ARAP2: variants seen among roughly 807,000 people sequenced by gnomAD.
ARAP2 encodes the protein ArfGAP with RhoGAP domain, ankyrin repeat and PH domain 2, also known as arf-GAP with Rho-GAP domain, ANK repeat and PH domain-containing protein 2.
Under a neutral mutation model 194.5 loss-of-function variants are expected in ARAP2, and 148 were observed. The ratio of observed to expected loss-of-function variants is 0.76; its 90% confidence interval spans 0.67 to 0.87. The LOEUF is 0.87. ARAP2 is among the 40% of genes least tolerant of loss of function. The pLI is 0.00. For synonymous variants in ARAP2, 695 were observed against 683.5 expected (o/e 1.02, Z -0.26); for missense variants, 2,128 against 1,989.7 (o/e 1.07, Z -1.32).
Position 36,204,005 on chromosome 4 carries a change from T to C in ARAP2, c.1487+6385A>G, listed in dbSNP as rs145382670. Among the ~76,000 whole-genome samples, 46 of 152,212 alleles carry C rather than the reference T, an allele frequency of 3.0e-4. 1 individual carries two copies. The highest frequency in any genetic ancestry group is 9.8e-4 in the Admixed American group (15 of 15,294). On this transcript the variant is annotated intron_variant, in intron 6 of 32. Coordinates refer to ENST00000303965, the MANE Select transcript of ARAP2 (RefSeq NM_015230.4). ...TAAAAAGAACAGTCAAAAGAACATG[T>C]TTTGTATGTTAATTACAGTATAACA... is the stretch of plus-strand genomic sequence containing the variant.
At chr4:36,114,842 T>C (rs180820496) in intron 25 of ARAP2, among the ~76,000 whole-genome samples, 208 of 152,070 alleles carry the variant, frequency 1.4e-3, no homozygotes, top group Middle Eastern at 6.8e-3. Context: ...AATGCCAACC[T>C]GGGGGTCGGT....
chr4:36,158,715 G>T lies in ARAP2; in HGVS notation c.2752+15C>A, dbSNP rs750034513. ...GTTTTTATCTGATAATATCTAAAAAGAAGAGAAAAAATACCTTCAAGCAGT... is the reference window on the plus strand; with the variant it reads ...GTTTTTATCTGATAATATCTAAAAATAAGAGAAAAAATACCTTCAAGCAGT... On this transcript the variant is annotated intron_variant, in intron 15 of 32. Transcript: ENST00000303965. The T allele has an allele frequency of 3.4e-5, 54 of 1,581,764 alleles. No homozygotes were observed. The highest frequency in any genetic ancestry group is 4.1e-5 in the Non-Finnish European group (48 of 1,164,188).
intron 7 of ARAP2, among the ~76,000 whole-genome samples, chr4:36,192,200 A>C (rs1300452275): frequency 1.4e-5 from 2 of 138,092 alleles, no homozygotes; most frequent in Non-Finnish European, 3.0e-5. Flanking sequence ...TTTTGCCAAA[A>C]TGTAACCAAC....
chr4:36,092,050 T>C, intron 27 of ARAP2, 30 bp from the exon 28 acceptor site: 1 of 1,468,260 alleles, frequency 6.8e-7, no homozygotes. Flanking sequence ...TTTTGTGAGT[T>C]GGGTACGTTT....
downstream of ARAP2, among the ~76,000 whole-genome samples, chr4:36,064,056 C>T (rs1050538141): frequency 6.6e-6 from 1 of 152,118 alleles, no homozygotes; most frequent in Non-Finnish European, 1.5e-5. Flanking sequence ...TTTGAGTTCT[C>T]AGTGACACTT....
rs574685180 is a variant in ARAP2, at chr4:36,081,776, C to T, written c.4544+475G>A. The stretch of plus-strand genomic sequence containing the variant: ...AGGGGCACAAGGAAGAGGCAGATCT[C>T]GTGTGGCTCAGTGACCGATTAGACA... On this transcript the variant is annotated intron_variant, in intron 30 of 32. Coordinates refer to ENST00000303965, the MANE Select transcript of ARAP2 (RefSeq NM_015230.4). 4.6e-5 allele frequency among the ~76,000 whole-genome samples: 7 copies of T among 151,710 alleles called. No individual in the cohort carries two copies. The South Asian group carries it at 1.0e-3, about 23-fold the overall frequency.
At chr4:36,209,084 G>A (rs139971513) in intron 6 of ARAP2, among the ~76,000 whole-genome samples, 177 of 152,196 alleles carry the variant, frequency 1.2e-3, no homozygotes, top group African/African-American at 4.1e-3. Flanking sequence ...CACCTGGGAC[G>A]CACAGGAAAC....
At chr4:36,056,378 C>A (rs886519690) in intron 2 of ARAP2, among the ~76,000 whole-genome samples, 30 of 152,242 alleles carry the variant, frequency 2.0e-4, no homozygotes, top group Admixed American at 1.8e-3. Context: ...TTATTTAACT[C>A]CCTGGTGAAA....
intron 32 of ARAP2, among the ~76,000 whole-genome samples, chr4:36,070,561 G>T (rs1234118060): frequency 3.3e-5 from 5 of 152,140 alleles, no homozygotes; most frequent in Non-Finnish European, 5.9e-5. Context: ...CATAGCTAGA[G>T]AATGGTATAA....
intron 3 of ARAP2, among the ~76,000 whole-genome samples, chr4:36,051,468 C>A (rs762042910): frequency 6.6e-6 from 1 of 151,874 alleles, no homozygotes; most frequent in Non-Finnish European, 1.5e-5. Flanking sequence ...CAGACCAAGA[C>A]TCCATTTCAA....
chr4:36,077,286 G>T (rs60250714), intron 31 of ARAP2, among the ~76,000 whole-genome samples: 6 of 151,758 alleles, frequency 4.0e-5, no homozygotes, highest in African/African-American at 1.2e-4. Context: ...ATATCTGATC[G>T]AAACAATCTG....
At chr4:36,205,098 ACTATG>A (rs1745268562) in intron 6 of ARAP2, among the ~76,000 whole-genome samples, 1 of 151,696 alleles carries the variant, frequency 6.6e-6, no homozygotes, top group East Asian at 1.9e-4. Flanking sequence ...AATTAATCAT[ACTATG>A]CTACATTGTT....
chr4:36,048,408 C>A (rs1722158904), intron 3 of ARAP2, among the ~76,000 whole-genome samples: 2 of 152,046 alleles, frequency 1.3e-5, no homozygotes, highest in African/African-American at 2.4e-5. Flanking sequence ...TTTTTCCCAT[C>A]TTTATGTCTA....
chr4:36,231,737 C>T (rs1033203799), intron 1 of ARAP2, among the ~76,000 whole-genome samples: 1 of 152,036 alleles, frequency 6.6e-6, no homozygotes, highest in Non-Finnish European at 1.5e-5. Flanking sequence ...CTGTCCCTAC[C>T]CCAAATCTAA....
chr4:36,076,371 G>A (rs899108537), intron 31 of ARAP2, among the ~76,000 whole-genome samples: 1 of 151,932 alleles, frequency 6.6e-6, no homozygotes, highest in African/African-American at 2.4e-5. Flanking sequence ...ATGTATGCAA[G>A]TACACACTCC....
At chr4:36,031,140 A>C (rs1912519) in intron 5 of ARAP2, among the ~76,000 whole-genome samples, 85,406 of 152,034 alleles carry the variant, frequency 0.56, 26,922 homozygotes, top group Admixed American at 0.74. Context: ...AGAAAAAATA[A>C]ATTTCTGATT....
chr4:36,018,822 C>G (rs1266919170), intron 6 of ARAP2, among the ~76,000 whole-genome samples: 2 of 152,182 alleles, frequency 1.3e-5, no homozygotes, highest in Non-Finnish European at 2.9e-5. Flanking sequence ...AGCATGTACT[C>G]TGGAAAATAA....
chr4:36,123,238 A>G (rs1010918215), intron 22 of ARAP2, among the ~76,000 whole-genome samples: 6 of 151,896 alleles, frequency 4.0e-5, no homozygotes, highest in African/African-American at 1.4e-4. Context: ...AAACTCTTTA[A>G]TTACATTGTG....
chr4:36,222,603 C>T lies in ARAP2; in HGVS notation c.905+5979G>A, dbSNP rs966702045. ...TGTAGTAAAAGTACAAAAGCATGCA[C>T]GAGTAGGATAAACACCAGTTTCAGA... On this transcript the variant is annotated intron_variant, in intron 2 of 32. Coordinates refer to ENST00000303965, the MANE Select transcript of ARAP2 (RefSeq NM_015230.4). 2.6e-5 allele frequency among the ~76,000 whole-genome samples: 4 copies of T among 151,916 alleles called. 1 individual carries two copies. The highest frequency in any genetic ancestry group is 5.9e-5 in the Non-Finnish European group (4 of 67,962).
Sources: gnomAD v4.1 joint callset for allele counts (sites outside exome capture counted in the v4.1 genomes callset) on GRCh38, gnomAD v4.1.1 for gene constraint, MANE v1.5 for transcripts, NCBI Gene and HGNC (gene_info 2026-07-23, HGNC 2026-07-21) for gene names.